CACNA2D1: variants seen among roughly 807,000 people sequenced by gnomAD.
CACNA2D1 encodes the protein voltage-dependent calcium channel subunit alpha-2/delta-1.
A neutral mutation model predicts 171.5 loss-of-function variants in CACNA2D1; 53 were observed. The observed-to-expected ratio is 0.31, with a 90% CI of 0.25 to 0.39. The LOEUF is 0.39. Ranked by LOEUF, CACNA2D1 falls within the 10% of genes least tolerant of loss-of-function variation. CACNA2D1 has a pLI of 1.00. For missense variants in CACNA2D1, 903 were observed against 1,299.8 expected (o/e 0.69, Z 4.69); for synonymous variants, 442 against 443.1 (o/e 1.00, Z 0.03).
chr7:82,389,148 T>TTATA (rs534487749), intron 1 of CACNA2D1, among the ~76,000 whole-genome samples: 226 of 141,556 alleles, frequency 1.6e-3, no homozygotes, highest in African/African-American at 4.3e-3. Context: ...ATATATATAT[T>TTATA]TATATATATA....
chr7:82,191,794 A>C (rs2129186215), intron 3 of CACNA2D1, among the ~76,000 whole-genome samples: 1 of 151,952 alleles, frequency 6.6e-6, no homozygotes, highest in Non-Finnish European at 1.5e-5. Flanking sequence ...TGAATAAAGT[A>C]AATCAAAAAA....
At chr7:82,111,958 T>C (rs927384193) in intron 6 of CACNA2D1, among the ~76,000 whole-genome samples, 4 of 151,998 alleles carry the variant, frequency 2.6e-5, no homozygotes, top group African/African-American at 9.7e-5. Flanking sequence ...CAAATACAGG[T>C]CAAAATATTG....
At chr7:82,035,345 C>A (rs1173198922) in intron 11 of CACNA2D1, among the ~76,000 whole-genome samples, 28 of 146,220 alleles carry the variant, frequency 1.9e-4, no homozygotes, top group South Asian at 2.1e-4. Context: ...GCTGCGAGGA[C>A]AAAAAAAAAA....
intron 2 of CACNA2D1, among the ~76,000 whole-genome samples, chr7:82,340,850 T>C (rs1818548051): frequency 1.3e-5 from 2 of 152,286 alleles, no homozygotes; most frequent in Non-Finnish European, 2.9e-5. Flanking sequence ...TACCTCAAAA[T>C]AATGAGAAGT....
At chr7:82,062,042 C>T (rs529878405) in intron 9 of CACNA2D1, among the ~76,000 whole-genome samples, 4 of 152,284 alleles carry the variant, frequency 2.6e-5, no homozygotes, top group Admixed American at 2.0e-4. Context: ...ACTACATCTA[C>T]ATCTTAGTAG....
chr7:82,380,436 T>G (rs1472608571), intron 1 of CACNA2D1, among the ~76,000 whole-genome samples: 1 of 152,138 alleles, frequency 6.6e-6, no homozygotes, highest in Non-Finnish European at 1.5e-5. Context: ...GATCATTCAA[T>G]TTTTGATGTG....
intron 7 of CACNA2D1, among the ~76,000 whole-genome samples, chr7:82,077,759 T>TAAAAAAAA (rs10596724): frequency 6.9e-6 from 1 of 145,130 alleles, no homozygotes; most frequent in Non-Finnish European, 1.5e-5. Context: ...AATGTTAAAG[T>TAAAAAAAA]AAAAAAAAAA....
chr7:82,306,684 C>A (rs1376100115), intron 3 of CACNA2D1, among the ~76,000 whole-genome samples: 1 of 152,150 alleles, frequency 6.6e-6, no homozygotes, highest in Non-Finnish European at 1.5e-5. Context: ...ATGAGGCCTG[C>A]ATCTTCGTTT....
At chr7:82,170,449 A>T in intron 4 of CACNA2D1, 101 bp downstream of exon 4, 6 of 981,470 alleles carry the variant, frequency 6.1e-6, no homozygotes, top group South Asian at 5.3e-5. Context: ...ATCCCACAAC[A>T]TCATAAGATT....
At chr7:82,099,918 C>T (rs1256089712) in intron 6 of CACNA2D1, among the ~76,000 whole-genome samples, 11 of 152,042 alleles carry the variant, frequency 7.2e-5, no homozygotes, top group Non-Finnish European at 1.5e-5. Flanking sequence ...GGGAACAACA[C>T]ACACTGAGGC....
Position 82,150,270 on chromosome 7 carries a change from CAAAAACAACAACAAAAAAA to C in CACNA2D1, c.355-13613_355-13595del, listed in dbSNP as rs1563122844. 3.2e-4 allele frequency among the ~76,000 whole-genome samples: 24 copies of C among 74,352 alleles called. 1 individual carries two copies. Among genetic ancestry groups the C allele is most frequent in the Middle Eastern group, 9.8e-3 (1 of 102 alleles). The allele number at this position is 74,352 out of a possible 152,430, so 48.8% of individuals were successfully genotyped here. A position where few individuals can be genotyped will look rare whatever the true frequency, so the allele number is the denominator to read the frequency against. Reference sequence around the variant, plus strand: ...TTTAGATCAAATTAAAAAAAAAAAACAAAAACAACAACAAAAAAAAACACCCTAGTAGCTGGGTTCATCT... The same window carrying C: ...TTTAGATCAAATTAAAAAAAAAAAACAACACCCTAGTAGCTGGGTTCATCT... On this transcript the variant is annotated intron_variant, in intron 4 of 38. Transcript: ENST00000356860.
chr7:82,092,029 C>T (rs192536643), intron 6 of CACNA2D1, among the ~76,000 whole-genome samples: 8 of 152,270 alleles, frequency 5.3e-5, no homozygotes, highest in Admixed American at 2.0e-4. Flanking sequence ...AAATACTGTA[C>T]GGTGCACATC....
At chr7:82,053,800 G>A (rs905080316) in intron 10 of CACNA2D1, among the ~76,000 whole-genome samples, 2 of 152,078 alleles carry the variant, frequency 1.3e-5, no homozygotes, top group Non-Finnish European at 1.5e-5. Flanking sequence ...TTAACTTGAG[G>A]TACTGAGGTG....
chr7:82,185,530 GAGGGGGAGGAAGGGGAGGGGGAGGA>G (rs1423382647), intron 3 of CACNA2D1, among the ~76,000 whole-genome samples: 924 of 38,838 alleles, frequency 0.024, 29 homozygotes, highest in Middle Eastern at 0.081. Flanking sequence ...GGAGGAGGAG[GAGGGGGAGGAAGGGGAGGGGGAGGA>G]GGGGGAGGGG....
intron 24 of CACNA2D1, among the ~76,000 whole-genome samples, chr7:81,978,514 G>T (rs1163608955): frequency 1.3e-5 from 2 of 151,898 alleles, no homozygotes; most frequent in African/African-American, 2.4e-5. Context: ...TCACTCATAA[G>T]TGGGAGTCGA....
chr7:82,281,481 C>T (rs890751542), intron 3 of CACNA2D1, among the ~76,000 whole-genome samples: 1 of 152,116 alleles, frequency 6.6e-6, no homozygotes, highest in African/African-American at 2.4e-5. Context: ...AAATTCTTAC[C>T]AACTAACTGT....
At chr7:82,056,009 T>TAAAAAAA (rs61512655) in intron 10 of CACNA2D1, among the ~76,000 whole-genome samples, 2 of 42,194 alleles carry the variant, frequency 4.7e-5, no homozygotes, top group African/African-American at 9.6e-5. Flanking sequence ...ACTCAAAAGT[T>TAAAAAAA]AAAAAAAAAA....
At chr7:82,394,157 AG>A (rs1825517842) in intron 1 of CACNA2D1, among the ~76,000 whole-genome samples, 1 of 152,140 alleles carries the variant, frequency 6.6e-6, no homozygotes, top group Non-Finnish European at 1.5e-5. Flanking sequence ...ATGGAGGGGG[AG>A]GGGTCAAGGA....
chr7:82,359,638 G>T (rs1820858664), intron 1 of CACNA2D1, among the ~76,000 whole-genome samples: 1 of 149,584 alleles, frequency 6.7e-6, no homozygotes, highest in African/African-American at 2.4e-5. Flanking sequence ...CCCTCTTCTG[G>T]CCAATTCAAG....
Sources: allele counts gnomAD v4.1 joint callset (sites outside exome capture counted in the v4.1 genomes callset), GRCh38; gene constraint gnomAD v4.1.1; transcripts MANE v1.5; gene names NCBI Gene and HGNC (gene_info 2026-07-23, HGNC 2026-07-21).